DCDC2: variants seen among roughly 807,000 people sequenced by gnomAD.
DCDC2 encodes doublecortin domain-containing protein 2.
A neutral mutation model predicts 50.2 loss-of-function variants in DCDC2; 40 were observed. That is an observed-to-expected ratio of 0.80 (90% confidence interval 0.62 to 1.04). The LOEUF (loss-of-function observed/expected upper bound fraction) is 1.04. DCDC2 is among the 50% of genes least tolerant of loss of function. The probability of loss-of-function intolerance (pLI) is 0.00; values close to 1 mark genes in which losing one functional copy is unlikely to be tolerated. For missense variants in DCDC2, 570 were observed against 581.9 expected (o/e 0.98, Z 0.21); for synonymous variants, 234 against 210.6 (o/e 1.11, Z -0.96).
rs1760823390 is a variant in DCDC2 at position 24,173,173 on chromosome 6, C to T, written c.*1557G>A. 1 of 151,946 alleles carries T rather than the reference C, an allele frequency of 6.6e-6. No individual in the cohort carries two copies. Among genetic ancestry groups the T allele is most frequent in the South Asian group, 2.1e-4 (1 of 4,826 alleles). The allele number at this position is 151,946 out of a possible 1,614,324, so 9.4% of individuals were successfully genotyped here. A position where few individuals can be genotyped will look rare whatever the true frequency, so the allele number is the denominator to read the frequency against. On this transcript the variant is annotated 3_prime_UTR_variant, in exon 10 of 10. Coordinates refer to ENST00000378454, the MANE Select transcript of DCDC2 (RefSeq NM_016356.5). ...GTACCCTGTTTCTAATTCATGCTCC[C>T]AGATCACTATATCCTTGTGTCATTA... is the stretch of plus-strand genomic sequence containing the variant.
At chr6:24,334,940 C>T (rs1000102464) in intron 2 of DCDC2, among the ~76,000 whole-genome samples, 4 of 152,148 alleles carry the variant, frequency 2.6e-5, no homozygotes, top group Non-Finnish European at 5.9e-5. Context: ...GCAGAGCAGT[C>T]ACAAGAGGGC....
chr6:24,366,006 C>T, the DCDC2 span, among the ~76,000 whole-genome samples: 6 of 152,032 alleles, frequency 3.9e-5, no homozygotes, highest in East Asian at 7.8e-4. Context: ...TTAGTAGAGA[C>T]GGGCTTTCAC....
chr6:24,221,880 T>C (rs1177766779), intron 7 of DCDC2, among the ~76,000 whole-genome samples: 1 of 152,228 alleles, frequency 6.6e-6, no homozygotes, highest in Non-Finnish European at 1.5e-5. Flanking sequence ...GCATCACCAC[T>C]GTTAAGGCAC....
chr6:24,238,961 A>G (rs9467090), intron 7 of DCDC2, among the ~76,000 whole-genome samples: 21,509 of 152,204 alleles, frequency 0.14, 1,799 homozygotes, highest in African/African-American at 0.23. Flanking sequence ...TAGCTTTAAA[A>G]GCTTTGTTGT....
At position 24,173,504 on chromosome 6, in the gene DCDC2, T is replaced by C. The variant is rs988443386; in HGVS notation, c.*1226A>G. The C allele has an allele frequency of 8.5e-5, 13 of 152,152 alleles. No individual in the cohort carries two copies. The highest frequency in any genetic ancestry group is 1.6e-4 in the Non-Finnish European group (11 of 68,002). The allele number at this position is 152,152 out of a possible 1,614,324, so 9.4% of individuals were successfully genotyped here. ...TGGAAGAACATCTCTTAAGAATTCA[T>C]AAAAAGGACGAAATTATGTTTTAAT... On this transcript the variant is annotated 3_prime_UTR_variant, in exon 10 of 10. Transcript: ENST00000378454.
Position 24,179,692 on chromosome 6 carries a change from T to C in DCDC2, c.1024-1060A>G, listed in dbSNP as rs187891619. Among the ~76,000 whole-genome samples the C allele has an allele frequency of 2.6e-3, 376 of 144,042 alleles. 10 individuals are homozygous for C. The highest frequency in any genetic ancestry group is 1.5e-3 in the East Asian group (7 of 4,592). 94.5% of individuals were successfully genotyped at this position (144,042 alleles called of 152,430 possible). A position where few individuals can be genotyped will look rare whatever the true frequency, so the allele number is the denominator to read the frequency against. On this transcript the variant is annotated intron_variant, in intron 8 of 9. Transcript: ENST00000378454. ...ACAGGAGGCCAGGCACGGTGGCTTATGCCTGTAATCCCAGCACTTTGGGAG... is the reference window on the plus strand; with the variant it reads ...ACAGGAGGCCAGGCACGGTGGCTTACGCCTGTAATCCCAGCACTTTGGGAG...
intron 2 of DCDC2, among the ~76,000 whole-genome samples, chr6:24,337,670 T>C (rs9467117): frequency 0.34 from 52,259 of 151,602 alleles, 11,273 homozygotes; most frequent in African/African-American, 0.62. Flanking sequence ...TGGTGATGCG[T>C]GCCTGTGATC....
At chr6:24,207,554 T>C (rs1368763277) in intron 7 of DCDC2, among the ~76,000 whole-genome samples, 2 of 152,152 alleles carry the variant, frequency 1.3e-5, no homozygotes, top group Non-Finnish European at 2.9e-5. Context: ...TACTGCATAA[T>C]AGTCACTCTG....
At chr6:24,176,253 G>A (rs761483545) in intron 9 of DCDC2, among the ~76,000 whole-genome samples, 2 of 151,880 alleles carry the variant, frequency 1.3e-5, no homozygotes, top group African/African-American at 4.8e-5. Flanking sequence ...CTGTGATCAC[G>A]CCACTGAACT....
At position 24,178,566 on chromosome 6, in the gene DCDC2, C is replaced by A; in HGVS notation, c.1090G>T (p.Glu364Ter). ...TCACCATTCATTCCTGAAAAGTCTT[C>A]TTTCTGTTCTGCATCCTTGTTTGCC... is the stretch of plus-strand genomic sequence containing the variant. ...EKANKDAEQK[E>*]DFSGMNGDLE... is the part of the protein sequence containing the mutation. The change falls in exon 9 of 10, where the codon GAA becomes TAA. Residue 364 changes from glutamate (E) to a stop codon, truncating the protein, a stop_gained. Coordinates refer to ENST00000378454, the MANE Select transcript of DCDC2 (RefSeq NM_016356.5). LOFTEE classifies it high-confidence loss of function. The A allele has an allele frequency of 6.2e-7, 1 of 1,614,162 alleles. No homozygotes were observed. Among genetic ancestry groups the A allele is most frequent in the Non-Finnish European group, 8.5e-7 (1 of 1,180,026 alleles).
At chr6:24,382,349 C>T in the DCDC2 span, among the ~76,000 whole-genome samples, 1 of 151,956 alleles carries the variant, frequency 6.6e-6, no homozygotes, top group African/African-American at 2.4e-5. Context: ...TATTTATATG[C>T]ATAATCACTA....
intron 7 of DCDC2, among the ~76,000 whole-genome samples, chr6:24,235,315 G>T (rs539164387): frequency 1.1e-4 from 17 of 152,304 alleles, no homozygotes; most frequent in African/African-American, 4.1e-4. Context: ...AAGCAGGAAA[G>T]ATCCTCTTTT....
At chr6:24,324,701 T>C (rs989574330) in intron 2 of DCDC2, among the ~76,000 whole-genome samples, 10 of 151,952 alleles carry the variant, frequency 6.6e-5, no homozygotes, top group African/African-American at 1.2e-4. Flanking sequence ...CCGAATAATA[T>C]AGTAGACCCT....
intron 8 of DCDC2, among the ~76,000 whole-genome samples, chr6:24,181,270 T>A (rs1761064847): frequency 6.6e-6 from 1 of 152,026 alleles, no homozygotes; most frequent in Non-Finnish European, 1.5e-5. Context: ...TGGTAAGAAG[T>A]TTCTGGTGTT....
intron 8 of DCDC2, among the ~76,000 whole-genome samples, chr6:24,187,483 T>C (rs1761229867): frequency 6.6e-6 from 1 of 152,202 alleles, no homozygotes. Flanking sequence ...ATACCTCTAG[T>C]ACATTCTAAC....
At chr6:24,327,483 T>TTG (rs1554119344) in intron 2 of DCDC2, among the ~76,000 whole-genome samples, 7,338 of 144,100 alleles carry the variant, frequency 0.051, 686 homozygotes, top group African/African-American at 0.18. Context: ...TTTATTTATT[T>TTG]ATTGGCTGAT....
At chr6:24,372,710 G>C in the DCDC2 span, among the ~76,000 whole-genome samples, 1 of 151,764 alleles carries the variant, frequency 6.6e-6, no homozygotes, top group Non-Finnish European at 1.5e-5. Flanking sequence ...GATGGGAACT[G>C]AACAATGAGA....
At chr6:24,248,001 G>T (rs767217315) in intron 7 of DCDC2, among the ~76,000 whole-genome samples, 3 of 152,116 alleles carry the variant, frequency 2.0e-5, no homozygotes, top group African/African-American at 7.2e-5. Context: ...ACTTGAACAC[G>T]GGAGGCAGAA....
intron 7 of DCDC2, among the ~76,000 whole-genome samples, chr6:24,230,144 G>A (rs1296595444): frequency 2.0e-5 from 3 of 152,184 alleles, no homozygotes; most frequent in Non-Finnish European, 4.4e-5. Flanking sequence ...TGAGCATCAT[G>A]TTAAAGACAC....
Sources: allele counts gnomAD v4.1 joint callset (sites outside exome capture counted in the v4.1 genomes callset), GRCh38; gene constraint gnomAD v4.1.1; transcripts MANE v1.5; gene names NCBI Gene and HGNC (gene_info 2026-07-23, HGNC 2026-07-21).